VEGFA: variants seen among roughly 807,000 people sequenced by gnomAD.
VEGFA encodes vascular endothelial growth factor A, long form.
Under a neutral mutation model 49.7 loss-of-function variants are expected in VEGFA, and 20 were observed. The ratio of observed to expected loss-of-function variants is 0.40; its 90% CI spans 0.28 to 0.58. VEGFA has a LOEUF of 0.58. Ranked by LOEUF, VEGFA falls within the 20% of genes least tolerant of loss-of-function variation. The pLI is 0.40. For synonymous variants in VEGFA, 219 were observed against 223.4 expected, an observed-to-expected ratio of 0.98 and a Z score of 0.18; for missense variants, 505 against 553.5, an observed-to-expected ratio of 0.91 and a Z score of 0.88.
chr6:43,782,053 G>T lies in VEGFA; in HGVS notation c.1132G>T (p.Ala378Ser). The change falls in exon 7 of 8, where the codon GCG becomes TCG. Residue 378 changes from alanine (A) to serine (S), a missense_variant. This residue lies in a region of VEGFA where 165 missense variants were observed against 231.7 expected (regional missense o/e 0.71). Coordinates refer to ENST00000672860, the MANE Select transcript of VEGFA (RefSeq NM_003376.6). The stretch of plus-strand genomic sequence containing the variant: ...CAAAAACACAGACTCGCGTTGCAAG[G>T]CGAGGCAGCTTGAGTTAAACGAACG... 6.2e-7 allele frequency: 1 copy of T among 1,614,106 alleles called. No individual in the cohort carries two copies. The highest frequency in any genetic ancestry group is 1.1e-5 in the South Asian group (1 of 91,068).
chr6:43,784,455 C>G, intron 7 of VEGFA, 86 bp from the exon 8 acceptor site: 1 of 1,348,534 alleles, frequency 7.4e-7, no homozygotes, highest in South Asian at 1.2e-5. Context: ...GACCCAGGGG[C>G]CCCCAGGAAT....
At chr6:43,782,165 C>T (rs753994395) in intron 7 of VEGFA, 78 bp downstream of exon 7, 624 of 1,562,558 alleles carry the variant, frequency 4.0e-4, no homozygotes, top group East Asian at 5.8e-4. Flanking sequence ...AGAGAGTGAG[C>T]GAGCGAGCGA....
chr6:43,781,904 C>G, intron 6 of VEGFA, 52 bp from the exon 7 acceptor site: 1 of 1,609,136 alleles, frequency 6.2e-7, no homozygotes, highest in East Asian at 2.2e-5. Flanking sequence ...TTTTTTTTCT[C>G]TCTCTCTGCT....
chr6:43,775,621 T>G (rs1765144756), intron 2 of VEGFA: 1 of 152,264 alleles, frequency 6.6e-6, no homozygotes, highest in African/African-American at 2.4e-5. Context: ...GCCACAAGCC[T>G]GGCCCTCCTC....
chr6:43,776,319 C>T (rs1765401849), intron 2 of VEGFA: 1 of 152,256 alleles, frequency 6.6e-6, no homozygotes, highest in Non-Finnish European at 1.5e-5. Flanking sequence ...GGGTAGGGAA[C>T]CTATTTCAGG....
rs1315563935 is a variant in VEGFA, at chr6:43,770,587, G to A, written c.-120G>A. The stretch of plus-strand genomic sequence containing the variant: ...GAAGAGAGAGACGGGGTCAGAGAGA[G>A]CGCGCGGGCGTGCGAGCAGCGAAAG... On this transcript the variant is annotated 5_prime_UTR_variant, in exon 1 of 8. Coordinates refer to ENST00000672860, the MANE Select transcript of VEGFA (RefSeq NM_003376.6). The A allele has an allele frequency of 2.1e-6, 3 of 1,412,024 alleles. No individual in the cohort carries two copies. The highest frequency in any genetic ancestry group is 2.8e-6 in the Non-Finnish European group (3 of 1,088,824). 87.5% of individuals were successfully genotyped at this position (1,412,024 alleles called of 1,614,324 possible).
At chr6:43,778,786 A>G in intron 4 of VEGFA, 103 bp from the exon 5 acceptor site, 1 of 1,317,260 alleles carries the variant, frequency 7.6e-7, no homozygotes. Context: ...TCCATAATAA[A>G]TGCTGTTTTT....
chr6:43,780,176 G>A (rs768182254), intron 5 of VEGFA: 3 of 210,014 alleles, frequency 1.4e-5, no homozygotes, highest in South Asian at 8.4e-5. Flanking sequence ...CAAGGTAGCC[G>A]CTTCCCCCAC....
chr6:43,770,756 T>A lies in VEGFA; in HGVS notation c.50T>A (p.Leu17His). The change falls in exon 1 of 8, where the codon CTC becomes CAC. Residue 17 changes from leucine to histidine, a missense_variant. Leu to His is a moderately conservative substitution (Grantham distance 99, BLOSUM62 -3). Transcript: ENST00000672860. Reference sequence around the variant, plus strand: ...GCCCCCAGCCCCAGCTACCACCTCCTCCCCGGCCGGCGGCGGACAGTGGAC... The same window carrying A: ...GCCCCCAGCCCCAGCTACCACCTCCACCCCGGCCGGCGGCGGACAGTGGAC... The A allele has an allele frequency of 1.3e-6, 2 of 1,498,620 alleles. No individual in the cohort carries two copies. Among genetic ancestry groups the A allele is most frequent in the Non-Finnish European group, 1.8e-6 (2 of 1,132,708 alleles). 92.8% of individuals were successfully genotyped at this position (1,498,620 alleles called of 1,614,324 possible).
Position 43,777,488 on chromosome 6 carries a change from C to T in VEGFA, c.678C>T (p.Val226=). 1 of 1,614,142 alleles carries T rather than the reference C, an allele frequency of 6.2e-7. No homozygotes were observed. The highest frequency in any genetic ancestry group is 8.5e-7 in the Non-Finnish European group (1 of 1,180,040). ...ATGCAGTGGTGAAGTTCATGGATGT[C>T]TATCAGCGCAGCTACTGCCATCCAA... Residue 226 remains valine (V), a synonymous_variant, in exon 3 of 8, where the codon GTC becomes GTT. Transcript: ENST00000672860. This position sits in a 1 kb window ranked among gnomAD's most constrained non-coding sequence, Gnocchi z 4.3.
chr6:43,774,600 T>C, intron 2 of VEGFA: 2 of 623,982 alleles, frequency 3.2e-6, no homozygotes, highest in Non-Finnish European at 5.7e-6. Flanking sequence ...AAGTAGGACT[T>C]GTTGCCTTTT....
chr6:43,776,170 TC>T (rs1765353434), intron 2 of VEGFA: 1 of 152,306 alleles, frequency 6.6e-6, no homozygotes, highest in African/African-American at 2.4e-5. Context: ...TGTTTCAGCA[TC>T]TTTAGAGATC....
Position 43,771,314 on chromosome 6 carries a change from T to TA in VEGFA, c.606+4dup, listed in dbSNP as rs1561981654. On this transcript the variant is annotated splice_region_variant and intron_variant, in intron 1 of 7. Coordinates refer to ENST00000672860, the MANE Select transcript of VEGFA (RefSeq NM_003376.6). ...CTGCTCTACCTCCACCATGCCAAGG[T>TA]AAGCGGTCGTGCCCTGCTGGCGCCG... is the stretch of plus-strand genomic sequence containing the variant. 1 of 1,601,606 alleles carries TA rather than the reference T, an allele frequency of 6.2e-7. No homozygotes were observed. The highest frequency in any genetic ancestry group is 1.4e-5 in the African/African-American group (1 of 72,986).
chr6:43,777,039 T>C lies in VEGFA; in HGVS notation c.659-430T>C. 5.9e-6 allele frequency: 2 copies of C among 340,360 alleles called. No individual in the cohort carries two copies. Among genetic ancestry groups the C allele is most frequent in the South Asian group, 2.4e-5 (1 of 41,792 alleles). The allele number at this position is 340,360 out of a possible 1,614,324, so 21.1% of individuals were successfully genotyped here. ...GCTGTTGGTATGGTTGACGTTATGG[T>C]AGTGGTTGTGGGGAGGACGTAGGAA... On this transcript the variant is annotated intron_variant, in intron 2 of 7. Coordinates refer to ENST00000672860, the MANE Select transcript of VEGFA (RefSeq NM_003376.6). This position sits in a 1 kb window ranked among gnomAD's most constrained non-coding sequence, Gnocchi z 4.3.
At position 43,779,795 on chromosome 6, in the gene VEGFA, C is replaced by T. The variant is rs917374357; in HGVS notation, c.962+877C>T. 8.9e-6 allele frequency: 4 copies of T among 448,378 alleles called. No homozygotes were observed. The East Asian group carries it at 2.8e-4, about 31-fold the overall frequency. The allele number at this position is 448,378 out of a possible 1,614,324, so 27.8% of individuals were successfully genotyped here. On this transcript the variant is annotated intron_variant, in intron 5 of 7. Transcript: ENST00000672860. ...GCCCTCTCTGGTCCCTTCTCCCCCT[C>T]CTTTCTTCCCTGTGACAGACATCCT...
rs537303704 is a variant in VEGFA, at chr6:43,773,928, T to G, written c.607-413T>G. ...TGTTGTTTTTCTCGCCCCTAGTCCT[T>G]CCTTCCTGCCCCAGTCCAAATTTGT... On this transcript the variant is annotated intron_variant, in intron 1 of 7. Transcript: ENST00000672860. The surrounding 1 kb of genome is among the most constrained non-coding windows in gnomAD (Gnocchi z 5.6). The G allele has an allele frequency of 2.2e-3, 521 of 241,462 alleles. 3 individuals are homozygous for G. Among genetic ancestry groups the G allele is most frequent in the African/African-American group, 0.011 (493 of 46,020 alleles). The allele number at this position is 241,462 out of a possible 1,614,324, so 15.0% of individuals were successfully genotyped here.
chr6:43,782,602 TCA>T, intron 7 of VEGFA: 1 of 234,856 alleles, frequency 4.3e-6, no homozygotes. Flanking sequence ...GTCTCCCACT[TCA>T]GACTGGGCCT....
chr6:43,771,197 G>T lies in VEGFA; in HGVS notation c.491G>T (p.Ser164Ile). The change falls in exon 1 of 8, where the codon AGC becomes ATC. Residue 164 changes from serine to isoleucine, a missense_variant. By Grantham distance (142) the Ser-to-Ile change is moderately radical (BLOSUM62 -2). This residue lies in a region of VEGFA where 340 missense variants were observed against 321.8 expected (regional missense o/e 1.06). Coordinates refer to ENST00000672860, the MANE Select transcript of VEGFA (RefSeq NM_003376.6). ...GAGAGCGGGCCGCCCCACAGCCCGA[G>T]CCGGAGAGGGAGCGCGAGCCGCGCC... is the stretch of plus-strand genomic sequence containing the variant. 6.3e-7 allele frequency: 1 copy of T among 1,599,238 alleles called. No homozygotes were observed.
At chr6:43,784,252 G>GT (rs1768948685) in intron 7 of VEGFA, 3 of 561,558 alleles carry the variant, frequency 5.3e-6, no homozygotes, top group Non-Finnish European at 9.6e-6. Context: ...GCTTTGTAAA[G>GT]TGTTCCCATG....
Sources: allele counts gnomAD v4.1 joint callset, GRCh38; gene constraint gnomAD v4.1.1; regional missense constraint gnomAD v4.1.1; non-coding constraint Gnocchi (gnomAD v3.1); transcripts MANE v1.5; gene names NCBI Gene and HGNC (gene_info 2026-07-23, HGNC 2026-07-21).